GZF1: variants seen among roughly 807,000 people sequenced by gnomAD.
GZF1 encodes the protein GDNF-inducible zinc finger protein 1.
Under a neutral mutation model 49.4 loss-of-function variants are expected in GZF1, and 28 were observed. The ratio of observed to expected loss-of-function variants is 0.57; its 90% CI spans 0.42 to 0.78. GZF1 has a LOEUF of 0.78. Ranked by LOEUF, GZF1 falls within the 30% of genes least tolerant of loss-of-function variation. The pLI is 0.00. For synonymous variants in GZF1, 364 were observed against 356.0 expected, an observed-to-expected ratio of 1.02 and a Z score of -0.25; for missense variants, 798 against 916.2, an observed-to-expected ratio of 0.87 and a Z score of 1.67.
chr20:23,363,161 G>C (rs558885232), intron 1 of GZF1: 6 of 152,406 alleles, frequency 3.9e-5, no homozygotes, highest in African/African-American at 1.4e-4. Context: ...GATGAGACTG[G>C]AGAAGGGGAG....
chr20:23,368,156 T>C (rs1437857434), intron 3 of GZF1, among the ~76,000 whole-genome samples: 5 of 152,208 alleles, frequency 3.3e-5, no homozygotes, highest in African/African-American at 1.2e-4. Context: ...TAATGAAGGA[T>C]TAAGTTAGAA....
In GZF1 at chr20:23,365,416, G is replaced by A. The variant is rs202105155; in HGVS notation, c.1033G>A (p.Glu345Lys). The A allele has an allele frequency of 2.5e-6, 4 of 1,613,832 alleles. No individual in the cohort carries two copies. Among genetic ancestry groups the A allele is most frequent in the East Asian group, 2.2e-5 (1 of 44,882 alleles). Reference protein sequence around the residue: ...HSKHRHGVATEVVYRCDTCGQ... With the variant: ...HSKHRHGVATKVVYRCDTCGQ... ...CAAGCACCGCCACGGCGTGGCCACC[G>A]AGGTGGTGTACCGCTGCGACACCTG... is the stretch of plus-strand genomic sequence containing the variant. The change falls in exon 2 of 6, where the codon GAG becomes AAG. Residue 345 changes from glutamate (E) to lysine (K), a missense_variant. Coordinates refer to ENST00000338121, the MANE Select transcript of GZF1 (RefSeq NM_022482.5).
At chr20:23,364,319 GCAT>G (rs1981036681) in intron 1 of GZF1, 41 bp from the exon 2 acceptor site, 1 of 1,161,910 alleles carries the variant, frequency 8.6e-7, no homozygotes, top group Non-Finnish European at 1.2e-6. Context: ...TAGTCCTTTT[GCAT>G]CAGTGGTTGC....
chr20:23,369,312 C>T (rs747686400), intron 4 of GZF1, among the ~76,000 whole-genome samples: 2 of 152,198 alleles, frequency 1.3e-5, no homozygotes, highest in African/African-American at 4.8e-5. Flanking sequence ...ATTTTATACT[C>T]CATTACCATG....
intron 2 of GZF1, 79 bp downstream of exon 2, chr20:23,365,826 G>A: frequency 7.0e-7 from 1 of 1,433,252 alleles, no homozygotes; most frequent in Non-Finnish European, 9.1e-7. Context: ...GGGATTTGAT[G>A]TCTCACTGCT....
intron 1 of GZF1, chr20:23,363,188 T>C (rs1186435361): frequency 1.3e-5 from 2 of 152,308 alleles, no homozygotes; most frequent in African/African-American, 2.4e-5. Context: ...GGGACTAGTT[T>C]ATCAGGGAAG....
intron 2 of GZF1, 82 bp downstream of exon 2, chr20:23,365,829 T>G: frequency 2.8e-6 from 4 of 1,431,442 alleles, no homozygotes. Flanking sequence ...ATTTGATGTC[T>G]CACTGCTTAA....
At position 23,368,377 on chromosome 20, in the gene GZF1, A is replaced by G. The variant is rs1981654997; in HGVS notation, c.1460-385A>G. On this transcript the variant is annotated intron_variant, in intron 3 of 5. Coordinates refer to ENST00000338121, the MANE Select transcript of GZF1 (RefSeq NM_022482.5). Reference sequence around the variant, plus strand: ...GAATAGTGATATATATCCATTGTCAACTTCCCCTTTATTCTGATAAAGATC... The same window carrying G: ...GAATAGTGATATATATCCATTGTCAGCTTCCCCTTTATTCTGATAAAGATC... 1.3e-5 allele frequency among the ~76,000 whole-genome samples: 2 copies of G among 152,318 alleles called. 1 individual carries two copies. Among genetic ancestry groups the G allele is most frequent in the Admixed American group, 1.3e-4 (2 of 15,298 alleles).
chr20:23,364,820 C>T lies in GZF1; in HGVS notation c.437C>T (p.Ser146Phe). The T allele has an allele frequency of 1.2e-6, 2 of 1,614,254 alleles. No homozygotes were observed. Among genetic ancestry groups the T allele is most frequent in the Non-Finnish European group, 1.7e-6 (2 of 1,180,044 alleles). Residue 146 changes from serine (S) to phenylalanine (F), a missense_variant, in exon 2 of 6, where the codon TCT becomes TTT. By Grantham distance (155) the Ser-to-Phe change is radical. Around this residue, in one of 3 missense-constraint regions of GZF1, gnomAD observed 247 missense variants for 228.5 expected, o/e 1.08. Coordinates refer to ENST00000338121, the MANE Select transcript of GZF1 (RefSeq NM_022482.5). ...TTGGAGTTGCAAAATTTCTCAGAGT[C>T]TCAGGAGGTGGAGGTGAGCAGTGGC... is the stretch of plus-strand genomic sequence containing the variant. Reference protein sequence around the residue: ...VLLELQNFSESQEVEVSSGSQ... With the variant: ...VLLELQNFSEFQEVEVSSGSQ...
chr20:23,370,480 T>C lies in GZF1; in HGVS notation c.*39T>C, dbSNP rs1981975992. 7.7e-7 allele frequency: 1 copy of C among 1,301,430 alleles called. No individual in the cohort carries two copies. The highest frequency in any genetic ancestry group is 1.5e-5 in the African/African-American group (1 of 67,762). 80.6% of individuals were successfully genotyped at this position (1,301,430 alleles called of 1,614,324 possible). ...TTCCCATCCTGTTAGTCTGCGTGTG[T>C]GGTAGCTGAACTCAAGATGATGTGG... On this transcript the variant is annotated 3_prime_UTR_variant, in exon 6 of 6. Transcript: ENST00000338121.
chr20:23,367,166 T>G, intron 3 of GZF1, 69 bp downstream of exon 3: 1 of 1,172,286 alleles, frequency 8.5e-7, no homozygotes, highest in Admixed American at 1.7e-5. Flanking sequence ...TGATTAATTT[T>G]GAAGTTGGCA....
upstream of GZF1, among the ~76,000 whole-genome samples, chr20:23,361,286 T>C (rs1025495016): frequency 2.0e-5 from 3 of 152,208 alleles, no homozygotes; most frequent in Non-Finnish European, 2.9e-5. Flanking sequence ...CAAGGTCAGT[T>C]TATTGAGAAC....
At position 23,368,519 on chromosome 20, in the gene GZF1, C is replaced by T. The variant is rs774810436; in HGVS notation, c.1460-243C>T. Among the ~76,000 whole-genome samples the T allele has an allele frequency of 2.1e-4, 32 of 152,138 alleles. 1 individual carries two copies. Among genetic ancestry groups the T allele is most frequent in the Non-Finnish European group, 3.8e-4 (26 of 68,034 alleles). Reference sequence around the variant, plus strand: ...ATGTGAGCCAGCTGAACAAACAATACCTCTTTGATTCTAGTCAAATGGAAT... The same window carrying T: ...ATGTGAGCCAGCTGAACAAACAATATCTCTTTGATTCTAGTCAAATGGAAT... On this transcript the variant is annotated intron_variant, in intron 3 of 5. Coordinates refer to ENST00000338121, the MANE Select transcript of GZF1 (RefSeq NM_022482.5).
At chr20:23,369,781 C>T (rs1298218252) in intron 5 of GZF1, 40 bp downstream of exon 5, 3 of 1,573,822 alleles carry the variant, frequency 1.9e-6, no homozygotes, top group South Asian at 1.2e-5. Flanking sequence ...CAAGCTGCTG[C>T]CCTTAGATGC....
Position 23,371,732 on chromosome 20 carries a change from C to T in GZF1, c.*1291C>T, listed in dbSNP as rs527554079. On this transcript the variant is annotated 3_prime_UTR_variant, in exon 6 of 6. Coordinates refer to ENST00000338121, the MANE Select transcript of GZF1 (RefSeq NM_022482.5). ...TTTAAACATTAATTTAAAAAGGGAA[C>T]CTTGGAGAATTCTTTTGTTCACTAG... The T allele has an allele frequency of 6.6e-6, 1 of 152,198 alleles. No individual in the cohort carries two copies. Among genetic ancestry groups the T allele is most frequent in the Non-Finnish European group, 1.5e-5 (1 of 68,028 alleles). The allele number at this position is 152,198 out of a possible 1,614,324, so 9.4% of individuals were successfully genotyped here.
Position 23,370,171 on chromosome 20 carries a change from TG to T in GZF1, c.1867del (p.Glu623AsnfsTer71), listed in dbSNP as rs1380082401. ...SPKNDDGHKT[E>X]QPDEEYVSSK... is the part of the protein sequence containing the mutation. Reference sequence around the variant, plus strand: ...CCAAGAACGATGACGGACACAAGACTGAACAGCCTGACGAAGAGTATGTGTC... The same window carrying T: ...CCAAGAACGATGACGGACACAAGACTAACAGCCTGACGAAGAGTATGTGTC... On this transcript the variant is annotated frameshift_variant, in exon 6 of 6. Coordinates refer to ENST00000338121, the MANE Select transcript of GZF1 (RefSeq NM_022482.5). LOFTEE classifies it low-confidence loss of function (END_TRUNC). 1 of 1,614,136 alleles carries T rather than the reference TG, an allele frequency of 6.2e-7. No homozygotes were observed. The highest frequency in any genetic ancestry group is 8.5e-7 in the Non-Finnish European group (1 of 1,180,056).
At chr20:23,361,756 C>G (rs1366661108), upstream of GZF1, among the ~76,000 whole-genome samples, 1 of 152,232 alleles carries the variant, frequency 6.6e-6, no homozygotes, top group Admixed American at 6.5e-5. Flanking sequence ...GTGAGCAGCT[C>G]TTAGTGGGAA....
chr20:23,368,771 C>A lies in GZF1; in HGVS notation c.1469C>A (p.Pro490His). Residue 490 changes from proline to histidine, a missense_variant, in exon 4 of 6, where the codon CCT becomes CAT. By Grantham distance (77) the Pro-to-His change is moderately conservative (BLOSUM62 -2). Transcript: ENST00000338121. ...YHKRCHTGER[P>H]FMCETCGKSF... ...TCATTTTCTCATGTAGGTGAAAGACCTTTTATGTGTGAAACATGTGGCAAG... is the reference window on the plus strand; with the variant it reads ...TCATTTTCTCATGTAGGTGAAAGACATTTTATGTGTGAAACATGTGGCAAG... The A allele has an allele frequency of 6.2e-7, 1 of 1,606,898 alleles. No homozygotes were observed. The highest frequency in any genetic ancestry group is 8.5e-7 in the Non-Finnish European group (1 of 1,176,822).
In GZF1 at chr20:23,372,819, A is replaced by G. The variant is rs1013710190; in HGVS notation, c.*2378A>G. The G allele has an allele frequency of 1.7e-4, 26 of 152,206 alleles. No homozygotes were observed. Among genetic ancestry groups the G allele is most frequent in the African/African-American group, 5.8e-4 (24 of 41,502 alleles). The allele number at this position is 152,206 out of a possible 1,614,324, so 9.4% of individuals were successfully genotyped here. A position where few individuals can be genotyped will look rare whatever the true frequency, so the allele number is the denominator to read the frequency against. ...AGGAGCTTGCTTCAACCATTTTCCA[A>G]CCATTTTCTGTGAAATGCTGTCAGC... is the stretch of plus-strand genomic sequence containing the variant. On this transcript the variant is annotated 3_prime_UTR_variant, in exon 6 of 6. Coordinates refer to ENST00000338121, the MANE Select transcript of GZF1 (RefSeq NM_022482.5).
Sources: gnomAD v4.1 joint callset for allele counts (sites outside exome capture counted in the v4.1 genomes callset) on GRCh38, gnomAD v4.1.1 for gene constraint, gnomAD v4.1.1 regional missense constraint, MANE v1.5 for transcripts, NCBI Gene and HGNC (gene_info 2026-07-23, HGNC 2026-07-21) for gene names.